Variants in FSIP1 observed in about 807,000 individuals in gnomAD.
The protein encoded by FSIP1 is fibrous sheath interacting protein 1, also known as fibrous sheath-interacting protein 1.
In FSIP1, 65 loss-of-function variants were observed where a neutral mutation model predicts 60.9. That is an observed-to-expected ratio of 1.07 (90% confidence interval 0.87 to 1.31). The LOEUF (loss-of-function observed/expected upper bound fraction) is 1.31, where lower values mean the gene tolerates loss of function less well. FSIP1 is among the 40% of genes most tolerant of loss of function. The pLI is 0.00. For synonymous variants in FSIP1, 209 were observed against 221.2 expected, an observed-to-expected ratio of 0.94 and a Z score of 0.49; for missense variants, 675 against 665.5, an observed-to-expected ratio of 1.01 and a Z score of -0.16.
chr15:39,738,253 C>CA, intron 7 of FSIP1, 52 bp from the exon 8 acceptor site: 1 of 1,209,188 alleles, frequency 8.3e-7, no homozygotes, highest in African/African-American at 1.6e-5. Context: ...ATTCACAGTT[C>CA]AGGAAAAAAA....
intron 10 of FSIP1, among the ~76,000 whole-genome samples, chr15:39,666,635 C>A (rs1192973358): frequency 6.6e-6 from 1 of 152,200 alleles, no homozygotes; most frequent in East Asian, 1.9e-4. Flanking sequence ...ATTTTTCAAA[C>A]TATACAGAGT....
Position 39,735,372 on chromosome 15 carries a change from G to A in FSIP1, c.891+2719C>T, listed in dbSNP as rs187500741. Reference sequence around the variant, plus strand: ...ATGTTTTGTAGTTACTGTGTTGTAGGTGATTGTTAACACAATAGGAAGTAT... The same window carrying A: ...ATGTTTTGTAGTTACTGTGTTGTAGATGATTGTTAACACAATAGGAAGTAT... On this transcript the variant is annotated intron_variant, in intron 8 of 11. Coordinates refer to ENST00000350221, the MANE Select transcript of FSIP1 (RefSeq NM_152597.5). Among the ~76,000 whole-genome samples, 10 of 152,272 alleles carry A rather than the reference G, an allele frequency of 6.6e-5. No homozygotes were observed. In the East Asian group the frequency reaches 1.9e-3, roughly 29 times the overall value.
intron 10 of FSIP1, among the ~76,000 whole-genome samples, chr15:39,646,244 A>G (rs952121229): frequency 6.6e-5 from 10 of 151,822 alleles, no homozygotes; most frequent in African/African-American, 2.4e-4. Flanking sequence ...GAGAGGAGCT[A>G]CTCACTCCTT....
intron 9 of FSIP1, among the ~76,000 whole-genome samples, chr15:39,722,828 G>C (rs193022152): frequency 6.6e-6 from 1 of 152,180 alleles, no homozygotes; most frequent in East Asian, 1.9e-4. Flanking sequence ...TTCTGGGGAC[G>C]GTGAGGTTGG....
intron 10 of FSIP1, among the ~76,000 whole-genome samples, chr15:39,708,376 ATACT>A (rs1195195279): frequency 6.6e-6 from 1 of 152,220 alleles, no homozygotes; most frequent in Admixed American, 6.5e-5. Context: ...TCTACTTTGA[ATACT>A]TAGTCCCAGA....
chr15:39,714,507 A>G (rs1304738261), intron 9 of FSIP1, among the ~76,000 whole-genome samples: 1 of 150,100 alleles, frequency 6.7e-6, no homozygotes, highest in Non-Finnish European at 1.5e-5. Context: ...CTAGTTGCCA[A>G]TCCCTAATAC....
chr15:39,732,517 G>C (rs143239722), intron 8 of FSIP1, among the ~76,000 whole-genome samples: 1 of 151,556 alleles, frequency 6.6e-6, no homozygotes, highest in Admixed American at 6.6e-5. Context: ...TACTTGGAAG[G>C]CTGAGGCAGG....
intron 10 of FSIP1, among the ~76,000 whole-genome samples, chr15:39,657,084 A>G (rs532926766): frequency 6.6e-6 from 1 of 152,336 alleles, no homozygotes; most frequent in South Asian, 2.1e-4. Context: ...ACTCTCTGCA[A>G]TGTGCTAACA....
At chr15:39,667,042 G>A (rs983668779) in intron 10 of FSIP1, among the ~76,000 whole-genome samples, 10 of 152,112 alleles carry the variant, frequency 6.6e-5, no homozygotes, top group South Asian at 6.2e-4. Flanking sequence ...GACAGTGGGC[G>A]CTGTGAAAAG....
chr15:39,710,054 T>C (rs1595643988), intron 10 of FSIP1, among the ~76,000 whole-genome samples: 2 of 152,310 alleles, frequency 1.3e-5, no homozygotes, highest in South Asian at 2.1e-4. Context: ...TATCTAGTCA[T>C]CTATGAGGTA....
chr15:39,663,528 C>T (rs1347988122), intron 10 of FSIP1, among the ~76,000 whole-genome samples: 2 of 152,070 alleles, frequency 1.3e-5, no homozygotes, highest in African/African-American at 2.4e-5. Flanking sequence ...TCCCTTAGAC[C>T]TCTATGGTAG....
intron 10 of FSIP1, among the ~76,000 whole-genome samples, chr15:39,707,240 C>CAG (rs1401158620): frequency 1.3e-5 from 2 of 152,148 alleles, no homozygotes; most frequent in African/African-American, 4.8e-5. Flanking sequence ...GGCTCCATTT[C>CAG]GCAGCAGGGT....
At chr15:39,684,525 G>A (rs1049140541) in intron 10 of FSIP1, among the ~76,000 whole-genome samples, 1 of 152,160 alleles carries the variant, frequency 6.6e-6, no homozygotes, top group Admixed American at 6.5e-5. Context: ...GAAGGAAATA[G>A]CACCAAGAAT....
intron 10 of FSIP1, among the ~76,000 whole-genome samples, chr15:39,660,017 A>C (rs1334948661): frequency 6.6e-6 from 1 of 152,212 alleles, no homozygotes; most frequent in African/African-American, 2.4e-5. Context: ...TCACAAAACC[A>C]GTACCCATCC....
rs745454135 is a variant in FSIP1, at chr15:39,726,698, A to G, written c.941T>C (p.Val314Ala). The change falls in exon 9 of 12, where the codon GTC becomes GCC. Residue 314 changes from valine to alanine, a missense_variant. Val to Ala is a moderately conservative substitution (Grantham distance 64). Transcript: ENST00000350221. ...VVPVKGYELA[V>A]TQHQQLAEID... ...TTCAGCAAGCTGCTGATGCTGGGTG[A>G]CTGCAAGTTCATATCCTTTTACTGG... The G allele has an allele frequency of 1.2e-6, 2 of 1,614,056 alleles. No homozygotes were observed. The highest frequency in any genetic ancestry group is 1.7e-6 in the Non-Finnish European group (2 of 1,179,970).
At chr15:39,629,921 G>C (rs1029707115) in intron 10 of FSIP1, among the ~76,000 whole-genome samples, 10 of 152,208 alleles carry the variant, frequency 6.6e-5, no homozygotes, top group African/African-American at 2.4e-4. Context: ...CATCAGATCT[G>C]ATTTTCCTCT....
intron 11 of FSIP1, among the ~76,000 whole-genome samples, chr15:39,609,266 A>C (rs906026553): frequency 2.6e-5 from 4 of 152,204 alleles, no homozygotes; most frequent in Non-Finnish European, 4.4e-5. Flanking sequence ...TGCAGGAAGT[A>C]TAGTCAACTG....
chr15:39,712,490 T>C (rs1303316920), intron 10 of FSIP1, among the ~76,000 whole-genome samples: 1 of 152,132 alleles, frequency 6.6e-6, no homozygotes. Flanking sequence ...ATTTTGAGTC[T>C]TAAGAAACTC....
At chr15:39,764,328 GCTAA>G (rs1897608099) in intron 4 of FSIP1, among the ~76,000 whole-genome samples, 1 of 152,090 alleles carries the variant, frequency 6.6e-6, no homozygotes, top group Non-Finnish European at 1.5e-5. Flanking sequence ...AAAGTGATAG[GCTAA>G]CTTTTTCTGC....
Sources: gnomAD v4.1 joint callset for allele counts (sites outside exome capture counted in the v4.1 genomes callset) on GRCh38, gnomAD v4.1.1 for gene constraint, MANE v1.5 for transcripts, NCBI Gene and HGNC (gene_info 2026-07-23, HGNC 2026-07-21) for gene names.